LUZP2: variants seen among roughly 807,000 people sequenced by gnomAD.
LUZP2 encodes the protein leucine zipper protein 2.
A neutral mutation model predicts 51.6 loss-of-function variants in LUZP2; 52 were observed. The ratio of observed to expected loss-of-function variants is 1.01; its 90% CI spans 0.81 to 1.27. The LOEUF (loss-of-function observed/expected upper bound fraction) is 1.27, where lower values mean the gene tolerates loss of function less well. LUZP2 is among the 50% of genes most tolerant of loss of function. The pLI, the probability that LUZP2 is intolerant of heterozygous loss-of-function variation, is 0.00. For synonymous variants in LUZP2, 154 were observed against 137.3 expected (o/e 1.12, Z -0.85); for missense variants, 436 against 395.4 (o/e 1.10, Z -0.87).
At chr11:24,767,329 T>A (rs959529845) in intron 5 of LUZP2, among the ~76,000 whole-genome samples, 1 of 152,196 alleles carries the variant, frequency 6.6e-6, no homozygotes, top group African/African-American at 2.4e-5. Context: ...TATAATACCA[T>A]TTTTGAAGAG....
chr11:24,670,133 T>C (rs1209353408), intron 1 of LUZP2, among the ~76,000 whole-genome samples: 1 of 152,100 alleles, frequency 6.6e-6, no homozygotes, highest in African/African-American at 2.4e-5. Context: ...CTGCTTAATA[T>C]AGTCTTATTT....
intron 10 of LUZP2, among the ~76,000 whole-genome samples, chr11:25,059,755 G>T (rs538349569): frequency 6.6e-6 from 1 of 152,096 alleles, no homozygotes; most frequent in African/African-American, 2.4e-5. Flanking sequence ...AAGAAACAAA[G>T]AACTGAGGGG....
Position 24,499,883 on chromosome 11 carries a change from G to A in LUZP2, c.62+2578G>A, listed in dbSNP as rs368225861. Among the ~76,000 whole-genome samples the A allele has an allele frequency of 2.0e-5, 3 of 152,114 alleles. No homozygotes were observed. In the East Asian group the frequency reaches 5.8e-4, roughly 29 times the overall value. ...GTTCTATTTTAAAGTAATCTGTTCA[G>A]TGAAACAAATGCTGCAGGTGAAAAG... On this transcript the variant is annotated intron_variant, in intron 1 of 11. Coordinates refer to ENST00000336930, the MANE Select transcript of LUZP2 (RefSeq NM_001009909.4).
At chr11:24,735,498 G>A (rs1030023170) in intron 3 of LUZP2, among the ~76,000 whole-genome samples, 4 of 151,716 alleles carry the variant, frequency 2.6e-5, no homozygotes, top group Admixed American at 6.6e-5. Flanking sequence ...TTTTGGACTC[G>A]GTATACTAAA....
chr11:24,978,117 A>G (rs1299694244), intron 8 of LUZP2, among the ~76,000 whole-genome samples: 1 of 151,670 alleles, frequency 6.6e-6, no homozygotes, highest in East Asian at 1.9e-4. Context: ...TAGTTATTTT[A>G]GTATAAAATA....
At chr11:24,921,014 T>C (rs950613382) in intron 7 of LUZP2, among the ~76,000 whole-genome samples, 3 of 151,878 alleles carry the variant, frequency 2.0e-5, no homozygotes, top group African/African-American at 7.3e-5. Flanking sequence ...ACAGTAAAAA[T>C]ACAATATTTA....
chr11:24,834,646 T>A (rs558038331), intron 5 of LUZP2, among the ~76,000 whole-genome samples: 1 of 152,206 alleles, frequency 6.6e-6, no homozygotes, highest in South Asian at 2.1e-4. Context: ...TATTTCTGGT[T>A]CTAGATCCTT....
chr11:24,642,261 G>C (rs568534934), intron 1 of LUZP2, among the ~76,000 whole-genome samples: 1 of 151,662 alleles, frequency 6.6e-6, no homozygotes, highest in Admixed American at 6.6e-5. Context: ...ACAACAATTA[G>C]ACTGTTTTGT....
At chr11:25,048,364 C>A (rs1858385614) in intron 9 of LUZP2, among the ~76,000 whole-genome samples, 1 of 152,258 alleles carries the variant, frequency 6.6e-6, no homozygotes, top group South Asian at 2.1e-4. Context: ...CTTATTACCC[C>A]AAATGGAATT....
At chr11:24,701,006 C>T (rs1168387964) in intron 1 of LUZP2, among the ~76,000 whole-genome samples, 10 of 152,100 alleles carry the variant, frequency 6.6e-5, no homozygotes, top group Non-Finnish European at 1.5e-4. Flanking sequence ...TCCGATTTAC[C>T]AGTCAACCCA....
chr11:24,919,587 A>T (rs1465508745), intron 7 of LUZP2, among the ~76,000 whole-genome samples: 1 of 145,298 alleles, frequency 6.9e-6, no homozygotes, highest in Admixed American at 7.1e-5. Flanking sequence ...AATACACAGG[A>T]TAGCTTTTAA....
chr11:24,984,477 A>C (rs1241627503), intron 9 of LUZP2, among the ~76,000 whole-genome samples: 1 of 133,138 alleles, frequency 7.5e-6, no homozygotes, highest in Non-Finnish European at 1.6e-5. Flanking sequence ...CAATGTATTC[A>C]ACTATATTAT....
chr11:24,692,274 T>C (rs1349524109), intron 1 of LUZP2, among the ~76,000 whole-genome samples: 1 of 151,966 alleles, frequency 6.6e-6, no homozygotes, highest in African/African-American at 2.4e-5. Flanking sequence ...ACTCATCCTA[T>C]GCAGAAGCAA....
chr11:24,762,540 C>T (rs1045957790), intron 4 of LUZP2, among the ~76,000 whole-genome samples: 10 of 152,218 alleles, frequency 6.6e-5, no homozygotes, highest in Middle Eastern at 3.4e-3. Flanking sequence ...GTTTCATCCA[C>T]TGTCATAGTT....
intron 9 of LUZP2, among the ~76,000 whole-genome samples, chr11:25,031,679 T>TC (rs1857692251): frequency 6.6e-6 from 1 of 152,068 alleles, no homozygotes; most frequent in Admixed American, 6.6e-5. Flanking sequence ...GCTTTTAAAT[T>TC]TTTTTTTGCC....
At chr11:24,902,638 G>T (rs80047193) in intron 5 of LUZP2, among the ~76,000 whole-genome samples, 1 of 152,056 alleles carries the variant, frequency 6.6e-6, no homozygotes, top group Non-Finnish European at 1.5e-5. Context: ...TTAAGGAATA[G>T]TCTATTCTGA....
At chr11:24,634,200 T>C (rs1289090487) in intron 1 of LUZP2, among the ~76,000 whole-genome samples, 1 of 151,952 alleles carries the variant, frequency 6.6e-6, no homozygotes, top group Non-Finnish European at 1.5e-5. Flanking sequence ...AAAATAAATC[T>C]AAGAACTTAA....
intron 1 of LUZP2, among the ~76,000 whole-genome samples, chr11:24,525,816 G>A (rs2133811579): frequency 6.6e-6 from 1 of 151,310 alleles, no homozygotes; most frequent in Non-Finnish European, 1.5e-5. Context: ...CTTTTTCTGT[G>A]ACATACATTA....
intron 9 of LUZP2, among the ~76,000 whole-genome samples, chr11:25,018,037 G>GTTTTTTT (rs1410360304): frequency 3.1e-5 from 4 of 131,108 alleles, no homozygotes; most frequent in African/African-American, 6.1e-5. Flanking sequence ...TTTTGTTTCT[G>GTTTTTTT]TTTTTTTTTT....
Sources: allele counts gnomAD v4.1 joint callset (sites outside exome capture counted in the v4.1 genomes callset), GRCh38; gene constraint gnomAD v4.1.1; transcripts MANE v1.5; gene names NCBI Gene and HGNC (gene_info 2026-07-23, HGNC 2026-07-21).